The following ZFAT variants were observed in gnomAD, a reference collection of about 807,000 sequenced individuals.
The protein encoded by ZFAT is zinc finger and AT-hook domain containing, also known as zinc finger protein ZFAT.
ZFAT carries 64 observed loss-of-function variants against 117.7 expected under a neutral mutation model. The observed-to-expected ratio is 0.54, with a 90% CI of 0.44 to 0.67. The LOEUF (loss-of-function observed/expected upper bound fraction) is 0.67. Among genes scored for constraint, ZFAT ranks in the 30% least tolerant of loss-of-function variants. ZFAT has a pLI of 0.00. For missense variants in ZFAT, 1,433 were observed against 1,584.5 expected, an observed-to-expected ratio of 0.90 and a Z score of 1.62; for synonymous variants, 679 against 615.0, an observed-to-expected ratio of 1.10 and a Z score of -1.54.
intron 11 of ZFAT, among the ~76,000 whole-genome samples, chr8:134,552,745 T>A (rs1463671472): frequency 1.3e-5 from 2 of 152,072 alleles, no homozygotes; most frequent in Non-Finnish European, 2.9e-5. Context: ...GCAGAGAGGG[T>A]TATTCTGTTT....
chr8:134,730,147 C>T, the ZFAT span, among the ~76,000 whole-genome samples: 1 of 152,162 alleles, frequency 6.6e-6, no homozygotes, highest in African/African-American at 2.4e-5. Context: ...GAATTTCTTG[C>T]TACAAAGGAA....
intron 2 of ZFAT, among the ~76,000 whole-genome samples, chr8:134,646,426 A>G (rs902212558): frequency 1.3e-5 from 2 of 152,200 alleles, no homozygotes; most frequent in African/African-American, 4.8e-5. Context: ...AGGCAGTTCT[A>G]AAAAGAAAGT....
chr8:134,726,905 G>T, the ZFAT span, among the ~76,000 whole-genome samples: 11 of 152,096 alleles, frequency 7.2e-5, no homozygotes, highest in Admixed American at 7.2e-4. Context: ...ACAGGGCTGG[G>T]TATTTTCTAT....
At chr8:134,740,510 T>C in the ZFAT span, among the ~76,000 whole-genome samples, 1 of 152,222 alleles carries the variant, frequency 6.6e-6, no homozygotes, top group African/African-American at 2.4e-5. Flanking sequence ...TTATTACAGA[T>C]AGTTTGACCA....
At chr8:134,636,423 T>C (rs987258667) in intron 3 of ZFAT, among the ~76,000 whole-genome samples, 6 of 152,242 alleles carry the variant, frequency 3.9e-5, no homozygotes, top group African/African-American at 1.4e-4. Context: ...CAGGTACTAC[T>C]GGAAGCACTT....
At chr8:134,767,998 C>T in the ZFAT span, among the ~76,000 whole-genome samples, 2 of 152,162 alleles carry the variant, frequency 1.3e-5, no homozygotes, top group Non-Finnish European at 2.9e-5. Context: ...TAAGATCTTA[C>T]TCTCTCTTCT....
chr8:134,565,800 C>CGGAGCAGCTGCATCTTCCTTCCTGGAGA (rs547359866), intron 10 of ZFAT: 14 of 305,916 alleles, frequency 4.6e-5, no homozygotes, highest in South Asian at 1.8e-4. Flanking sequence ...CTCAGGAAAG[C>CGGAGCAGCTGCATCTTCCTTCCTGGAGA]GGAGCAGCTG....
At chr8:134,650,719 A>G (rs1039530951) in intron 2 of ZFAT, among the ~76,000 whole-genome samples, 1 of 152,214 alleles carries the variant, frequency 6.6e-6, no homozygotes, top group African/African-American at 2.4e-5. Context: ...GTATTGATCA[A>G]TGAAATAGAA....
At chr8:134,832,124 G>T in the ZFAT span, among the ~76,000 whole-genome samples, 1 of 150,084 alleles carries the variant, frequency 6.7e-6, no homozygotes, top group South Asian at 2.1e-4. Context: ...CAGCGCCAGG[G>T]TGAGGGGCGC....
At chr8:134,673,390 AG>A (rs1392281144) in intron 1 of ZFAT, 1 of 165,326 alleles carries the variant, frequency 6.0e-6, no homozygotes, top group African/African-American at 2.4e-5. Context: ...CTCAACTTAA[AG>A]GACTTCAGAA....
intron 15 of ZFAT, 126 bp downstream of exon 15, chr8:134,509,493 G>A: frequency 7.4e-7 from 1 of 1,348,326 alleles, no homozygotes; most frequent in Non-Finnish European, 1.0e-6. Context: ...GAAAAGGTAT[G>A]AGACTAGACC....
chr8:134,481,650 G>C (rs897228223), intron 15 of ZFAT, among the ~76,000 whole-genome samples: 2 of 152,180 alleles, frequency 1.3e-5, no homozygotes, highest in African/African-American at 4.8e-5. Context: ...GCAGCCTCCT[G>C]TCCCCTGGCA....
At chr8:134,563,573 G>A (rs1418334006) in intron 11 of ZFAT, among the ~76,000 whole-genome samples, 1 of 152,198 alleles carries the variant, frequency 6.6e-6, no homozygotes, top group East Asian at 1.9e-4. Context: ...CTGAATGCAG[G>A]TGAGTCAATA....
upstream of ZFAT, among the ~76,000 whole-genome samples, chr8:134,714,753 A>C (rs1814181417): frequency 6.6e-6 from 1 of 152,140 alleles, no homozygotes; most frequent in South Asian, 2.1e-4. Context: ...TTCTGAGATT[A>C]CACAGCAAAA....
chr8:134,610,608 G>T lies in ZFAT; in HGVS notation c.496C>A (p.Arg166=). The T allele has an allele frequency of 6.2e-7, 1 of 1,614,058 alleles. No homozygotes were observed. The highest frequency in any genetic ancestry group is 8.5e-7 in the Non-Finnish European group (1 of 1,180,026). The change falls in exon 4 of 16, where the codon CGG becomes AGG. Residue 166 remains arginine (R), a synonymous_variant. Transcript: ENST00000377838. ...ELEKKCKEDD[R]EKASKRPRSQ... is the part of the protein sequence containing the mutation. ...CGTGGTCTTTTCGAGGCTTTTTCCC[G>T]ATCATCTTCCTTACACTTCTTTTCT...
At chr8:134,480,463 A>G (rs1193876383) in intron 15 of ZFAT, among the ~76,000 whole-genome samples, 3 of 152,236 alleles carry the variant, frequency 2.0e-5, no homozygotes, top group South Asian at 4.1e-4. Context: ...CATGTGCTCA[A>G]TATTTACTGA....
chr8:134,660,609 G>A (rs1240140323), intron 1 of ZFAT, among the ~76,000 whole-genome samples: 1 of 152,170 alleles, frequency 6.6e-6, no homozygotes, highest in African/African-American at 2.4e-5. Context: ...TTATAGACAT[G>A]TCACAGAACA....
At chr8:134,655,749 G>A (rs1173495810) in intron 2 of ZFAT, among the ~76,000 whole-genome samples, 4 of 152,212 alleles carry the variant, frequency 2.6e-5, no homozygotes, top group Admixed American at 1.3e-4. Context: ...AGCTTTGCAA[G>A]AGCCAGTCTA....
intron 3 of ZFAT, among the ~76,000 whole-genome samples, chr8:134,630,787 A>C (rs1829834716): frequency 6.6e-6 from 1 of 152,234 alleles, no homozygotes; most frequent in African/African-American, 2.4e-5. Context: ...AAAACATATC[A>C]AAAGAGTTAT....
Sources: allele counts gnomAD v4.1 joint callset (sites outside exome capture counted in the v4.1 genomes callset), GRCh38; gene constraint gnomAD v4.1.1; transcripts MANE v1.5; gene names NCBI Gene and HGNC (gene_info 2026-07-23, HGNC 2026-07-21).